The following ZNF723 variants were observed in gnomAD, a reference collection of about 807,000 sequenced individuals.
ZNF723 encodes zinc finger protein 723, also known as zinc finger protein 723, pseudogene.
ZNF723 carries 5 observed loss-of-function variants against 9.4 expected under a neutral mutation model. The ratio of observed to expected loss-of-function variants is 0.53; its 90% confidence interval spans 0.28 to 1.12. The LOEUF (loss-of-function observed/expected upper bound fraction) is 1.12, where lower values mean the gene tolerates loss of function less well. Ranked by LOEUF, ZNF723 falls within the 50% of genes most tolerant of loss-of-function variation. The pLI is 0.10. For synonymous variants in ZNF723, 158 were observed against 168.8 expected (o/e 0.94, Z 0.49); for missense variants, 450 against 501.5 (o/e 0.90, Z 0.98).
chr19:22,845,666 T>A (rs1599476204), intron 1 of ZNF723, among the ~76,000 whole-genome samples: 1 of 148,188 alleles, frequency 6.7e-6, no homozygotes, highest in Non-Finnish European at 1.5e-5. Flanking sequence ...TTCTTCTTCA[T>A]GGGGAAACTC....
At chr19:22,818,493 A>G in the ZNF723 span, among the ~76,000 whole-genome samples, 4 of 152,222 alleles carry the variant, frequency 2.6e-5, no homozygotes, top group Admixed American at 6.5e-5. Flanking sequence ...CACAGTTTGC[A>G]GGAGGGATTG....
intron 1 of ZNF723, among the ~76,000 whole-genome samples, chr19:22,846,437 A>G (rs1203189268): frequency 1.3e-5 from 2 of 152,204 alleles, no homozygotes; most frequent in African/African-American, 4.8e-5. Flanking sequence ...AGCCTGGCCA[A>G]CATGGCGAAA....
chr19:22,851,744 G>T (rs1967398308), intron 3 of ZNF723, among the ~76,000 whole-genome samples: 1 of 148,280 alleles, frequency 6.7e-6, no homozygotes, highest in African/African-American at 2.5e-5. Context: ...CTTTATTTTT[G>T]TCTTGTTTTT....
At chr19:22,839,244 T>C (rs1181788311) in intron 1 of ZNF723, among the ~76,000 whole-genome samples, 2 of 152,212 alleles carry the variant, frequency 1.3e-5, no homozygotes, top group Admixed American at 1.3e-4. Context: ...TGAATAGTTC[T>C]GCAGTGACCA....
At chr19:22,853,153 C>T (rs1967421340) in intron 3 of ZNF723, among the ~76,000 whole-genome samples, 1 of 151,912 alleles carries the variant, frequency 6.6e-6, no homozygotes, top group Admixed American at 6.6e-5. Flanking sequence ...TATATATGTG[C>T]TGCATTCTCT....
intron 3 of ZNF723, among the ~76,000 whole-genome samples, chr19:22,850,086 A>G (rs1390498682): frequency 6.6e-6 from 1 of 150,658 alleles, no homozygotes; most frequent in African/African-American, 2.5e-5. Flanking sequence ...GAATTATTAT[A>G]TTAAGTATGA....
rs552361076 is a variant in ZNF723, at chr19:22,857,656, A to C, written c.765A>C (p.Lys255Asn). The C allele has an allele frequency of 7.9e-7, 1 of 1,271,030 alleles. No individual in the cohort carries two copies. Among genetic ancestry groups the C allele is most frequent in the Admixed American group, 1.7e-5 (1 of 59,448 alleles). 78.7% of individuals were successfully genotyped at this position (1,271,030 alleles called of 1,614,324 possible). The change falls in exon 4 of 4, where the codon AAA becomes AAC. Residue 255 changes from lysine to asparagine, a missense_variant. Coordinates refer to ENST00000600766, the MANE Select transcript of ZNF723 (RefSeq NM_001349726.2). ...NNHKRIHTGE[K>N]PYKCEECGKT... is the part of the protein sequence containing the mutation. ...ATAAGAGAATTCATACTGGAGAGAA[A>C]CCCTACAAATGTGAAGAATGTGGCA...
intron 1 of ZNF723, among the ~76,000 whole-genome samples, chr19:22,843,265 A>G (rs1568405154): frequency 1.3e-5 from 2 of 152,126 alleles, no homozygotes; most frequent in African/African-American, 4.8e-5. Context: ...GTCACTGGGA[A>G]CTCTCACAAT....
chr19:22,849,167 A>G (rs1380859474), intron 2 of ZNF723, 31 bp from the exon 3 acceptor site: 2 of 537,212 alleles, frequency 3.7e-6, no homozygotes, highest in Non-Finnish European at 3.4e-6. Flanking sequence ...AATATGAGGA[A>G]CATTCATGTT....
upstream of ZNF723, among the ~76,000 whole-genome samples, chr19:22,829,741 TC>T (rs1967074843): frequency 6.6e-6 from 1 of 152,332 alleles, no homozygotes; most frequent in Admixed American, 6.5e-5. Context: ...AGGTTTTTTT[TC>T]ATACTAAACT....
intron 1 of ZNF723, among the ~76,000 whole-genome samples, chr19:22,834,142 C>G (rs1333876365): frequency 6.6e-6 from 1 of 152,004 alleles, no homozygotes; most frequent in Admixed American, 6.6e-5. Flanking sequence ...TATCGAACAC[C>G]TGACTTCAGG....
chr19:22,854,154 T>TACAC (rs71163412), intron 3 of ZNF723, among the ~76,000 whole-genome samples: 17 of 149,796 alleles, frequency 1.1e-4, no homozygotes, highest in Admixed American at 6.0e-4. Flanking sequence ...AAATGTGAGA[T>TACAC]ACACACACAC....
intron 3 of ZNF723, among the ~76,000 whole-genome samples, chr19:22,854,429 G>T (rs1437723385): frequency 7.0e-6 from 1 of 141,970 alleles, no homozygotes; most frequent in African/African-American, 2.6e-5. Context: ...TTGGATTTTG[G>T]GTTTTAAGAT....
At chr19:22,842,155 C>T (rs1967254823) in intron 1 of ZNF723, among the ~76,000 whole-genome samples, 1 of 152,118 alleles carries the variant, frequency 6.6e-6, no homozygotes, top group African/African-American at 2.4e-5. Context: ...CAGGCATGTG[C>T]CATAACAGCT....
the ZNF723 span, among the ~76,000 whole-genome samples, chr19:22,813,065 C>T: frequency 6.6e-6 from 1 of 152,058 alleles, no homozygotes; most frequent in African/African-American, 2.4e-5. Context: ...CCTCCACCTC[C>T]TGGGTTCAAG....
intron 1 of ZNF723, among the ~76,000 whole-genome samples, chr19:22,846,632 T>C (rs11879853): frequency 0.22 from 33,932 of 151,476 alleles, 4,742 homozygotes; most frequent in African/African-American, 0.4. Context: ...CAAGAAAAAA[T>C]GATGAGATTT....
At chr19:22,833,926 C>CA (rs1555738601) in intron 1 of ZNF723, among the ~76,000 whole-genome samples, 2 of 89,316 alleles carry the variant, frequency 2.2e-5, no homozygotes, top group African/African-American at 4.4e-5. Context: ...TTTTAGCGTA[C>CA]TTTTTTTTTT....
In ZNF723 at chr19:22,835,515, G is replaced by A. The variant is rs73566455; in HGVS notation, c.3+3133G>A. On this transcript the variant is annotated intron_variant, in intron 1 of 3. Transcript: ENST00000600766. Reference sequence around the variant, plus strand: ...CATTTGTTAAGAGTTCGCATTTACCGTTTTTTTTGTTTGTTTGTTTTTGTT... The same window carrying A: ...CATTTGTTAAGAGTTCGCATTTACCATTTTTTTTGTTTGTTTGTTTTTGTT... Among the ~76,000 whole-genome samples, 1,304 of 151,876 alleles carry A rather than the reference G, an allele frequency of 8.6e-3. 20 individuals are homozygous for A. Among genetic ancestry groups the A allele is most frequent in the African/African-American group, 0.03 (1,228 of 41,450 alleles).
chr19:22,813,550 G>C, the ZNF723 span, among the ~76,000 whole-genome samples: 1 of 151,894 alleles, frequency 6.6e-6, no homozygotes, highest in Admixed American at 6.6e-5. Flanking sequence ...TCTCCTATTT[G>C]TTCCCTGCTC....
Sources: allele counts gnomAD v4.1 joint callset (sites outside exome capture counted in the v4.1 genomes callset), GRCh38; gene constraint gnomAD v4.1.1; transcripts MANE v1.5; gene names NCBI Gene and HGNC (gene_info 2026-07-23, HGNC 2026-07-21).